KIF26B: variants seen among roughly 807,000 people sequenced by gnomAD.
KIF26B encodes the protein kinesin family member 26B.
A neutral mutation model predicts 151.2 loss-of-function variants in KIF26B; 63 were observed. The observed-to-expected ratio is 0.42, with a 90% CI of 0.34 to 0.51. The LOEUF is 0.51. KIF26B is among the 20% of genes least tolerant of loss of function. The pLI, the probability that KIF26B is intolerant of heterozygous loss-of-function variation, is 0.07. For synonymous variants in KIF26B, 1,357 were observed against 1,262.1 expected, an observed-to-expected ratio of 1.08 and a Z score of -1.59; for missense variants, 2,813 against 2,913.6, an observed-to-expected ratio of 0.97 and a Z score of 0.79.
chr1:245,678,594 T>C (rs553033432), intron 10 of KIF26B, among the ~76,000 whole-genome samples: 2 of 152,108 alleles, frequency 1.3e-5, no homozygotes, highest in South Asian at 2.1e-4. Flanking sequence ...CCTGGCACAG[T>C]GGCTCACGCC....
At position 245,540,076 on chromosome 1, in the gene KIF26B, C is replaced by T. The variant is rs528039639; in HGVS notation, c.1167-691C>T. Reference sequence around the variant, plus strand: ...CCTTTCCCTGCCTTCACACTCTGTGCCCCCTTCAGTGCTTTGACCCCTTAC... The same window carrying T: ...CCTTTCCCTGCCTTCACACTCTGTGTCCCCTTCAGTGCTTTGACCCCTTAC... On this transcript the variant is annotated intron_variant, in intron 4 of 14. Transcript: ENST00000407071. The surrounding 1 kb of genome is among the most constrained non-coding windows in gnomAD (Gnocchi z 4.6). Among the ~76,000 whole-genome samples the T allele has an allele frequency of 3.3e-5, 5 of 152,184 alleles. No individual in the cohort carries two copies. The highest frequency in any genetic ancestry group is 1.2e-4 in the African/African-American group (5 of 41,444).
intron 9 of KIF26B, among the ~76,000 whole-genome samples, chr1:245,642,159 CTG>C (rs2043898915): frequency 6.6e-6 from 1 of 152,210 alleles, no homozygotes; most frequent in Admixed American, 6.5e-5. Context: ...GTCCTGAAGA[CTG>C]TCCTAGTTTC....
At chr1:245,307,700 C>T (rs1671581950) in intron 2 of KIF26B, among the ~76,000 whole-genome samples, 1 of 151,398 alleles carries the variant, frequency 6.6e-6, no homozygotes, top group Non-Finnish European at 1.5e-5. Flanking sequence ...CCCTCCCTTT[C>T]CTCTGAAGCC....
At chr1:245,693,061 T>G (rs2044648050) in intron 12 of KIF26B, among the ~76,000 whole-genome samples, 1 of 152,234 alleles carries the variant, frequency 6.6e-6, no homozygotes, top group Admixed American at 6.5e-5. Flanking sequence ...TTATATGTTA[T>G]GTCAATCCTA....
chr1:245,561,949 G>A (rs931433059), intron 5 of KIF26B, among the ~76,000 whole-genome samples: 3 of 152,160 alleles, frequency 2.0e-5, no homozygotes, highest in Non-Finnish European at 4.4e-5. Context: ...GCTTTCTGTG[G>A]CCTGATTTTC....
chr1:245,180,126 A>G (rs1668878742), intron 2 of KIF26B, among the ~76,000 whole-genome samples: 1 of 152,374 alleles, frequency 6.6e-6, no homozygotes, highest in Middle Eastern at 3.4e-3. Context: ...ATGCTTTTAA[A>G]GAAGTATCAG....
In KIF26B at chr1:245,207,821, A is replaced by T. The variant is rs150806397; in HGVS notation, c.465+51138A>T. Among the ~76,000 whole-genome samples, 8 of 152,240 alleles carry T rather than the reference A, an allele frequency of 5.3e-5. No individual in the cohort carries two copies. In the East Asian group the frequency reaches 1.5e-3, roughly 29 times the overall value. ...CACCATCATCCTTTTTGGTAAAGAGATGTGTCCATTTCTGTCCTGCATTAG... is the reference window on the plus strand; with the variant it reads ...CACCATCATCCTTTTTGGTAAAGAGTTGTGTCCATTTCTGTCCTGCATTAG... On this transcript the variant is annotated intron_variant, in intron 2 of 14. Transcript: ENST00000407071.
At chr1:245,600,582 G>T (rs1459397341) in intron 5 of KIF26B, among the ~76,000 whole-genome samples, 1 of 150,748 alleles carries the variant, frequency 6.6e-6, no homozygotes, top group Non-Finnish European at 1.5e-5. Context: ...CTGCCCACAT[G>T]CTGGGCATTC....
At chr1:245,283,966 G>A (rs1010483602) in intron 2 of KIF26B, among the ~76,000 whole-genome samples, 28 of 152,270 alleles carry the variant, frequency 1.8e-4, no homozygotes, top group Non-Finnish European at 4.0e-4. Flanking sequence ...GATTACAGGC[G>A]TGAGCCGCTG....
chr1:245,245,326 G>C (rs1278158730), intron 2 of KIF26B, among the ~76,000 whole-genome samples: 1 of 152,134 alleles, frequency 6.6e-6, no homozygotes, highest in Admixed American at 6.5e-5. Context: ...TCACCCCTCG[G>C]CTGAGTCCCA....
intron 2 of KIF26B, among the ~76,000 whole-genome samples, chr1:245,311,716 T>G (rs1335842632): frequency 1.3e-5 from 2 of 152,214 alleles, no homozygotes; most frequent in African/African-American, 4.8e-5. Context: ...GTGGATCACC[T>G]GAGGTCAGGA....
intron 3 of KIF26B, among the ~76,000 whole-genome samples, chr1:245,376,692 A>T (rs1041605293): frequency 6.6e-6 from 1 of 151,826 alleles, no homozygotes; most frequent in East Asian, 1.9e-4. Flanking sequence ...TTTATTTTTT[A>T]TTTATTTTTT....
intron 2 of KIF26B, among the ~76,000 whole-genome samples, chr1:245,187,879 A>G (rs1204417813): frequency 6.6e-6 from 1 of 152,192 alleles, no homozygotes; most frequent in Admixed American, 6.5e-5. Flanking sequence ...TGAGCTCTAG[A>G]TGATATGATG....
intron 9 of KIF26B, among the ~76,000 whole-genome samples, chr1:245,629,783 G>T (rs1365531442): frequency 1.3e-5 from 2 of 152,178 alleles, no homozygotes; most frequent in Non-Finnish European, 2.9e-5. Context: ...CACAGCAAAA[G>T]AAACTAGCAT....
chr1:245,419,982 T>C (rs1148920), intron 4 of KIF26B, among the ~76,000 whole-genome samples: 53,705 of 151,954 alleles, frequency 0.35, 9,515 homozygotes, highest in African/African-American at 0.42. Context: ...CCCCTCGATG[T>C]GTGCCCGCAG....
chr1:245,419,859 C>A, intron 4 of KIF26B, 114 bp downstream of exon 4: 1 of 992,062 alleles, frequency 1.0e-6, no homozygotes, highest in Non-Finnish European at 1.5e-6. Flanking sequence ...TCTGTGATGT[C>A]ATTCATTAAG....
Position 245,597,816 on chromosome 1 carries a change from C to G in KIF26B, c.1351-4761C>G, listed in dbSNP as rs976918366. Among the ~76,000 whole-genome samples the G allele has an allele frequency of 2.6e-5, 4 of 152,068 alleles. No homozygotes were observed. Among genetic ancestry groups the G allele is most frequent in the African/African-American group, 9.7e-5 (4 of 41,404 alleles). On this transcript the variant is annotated intron_variant, in intron 5 of 14. Transcript: ENST00000407071. The surrounding 1 kb of genome is among the most constrained non-coding windows in gnomAD (Gnocchi z 4.6). ...CACATAGTTCCATATTTCTTGGAGG[C>G]TTTGTTCATTCCTTTTCATTCTTTT...
intron 4 of KIF26B, among the ~76,000 whole-genome samples, chr1:245,508,229 G>A (rs567482715): frequency 1.3e-5 from 2 of 152,262 alleles, no homozygotes; most frequent in South Asian, 2.1e-4. Flanking sequence ...GATGATTAGT[G>A]TGATCCCTAA....
At chr1:245,629,695 A>G (rs1343641495) in intron 9 of KIF26B, among the ~76,000 whole-genome samples, 1 of 152,224 alleles carries the variant, frequency 6.6e-6, no homozygotes, top group East Asian at 1.9e-4. Flanking sequence ...CAAAGACTTC[A>G]TGAAGAAAAC....
Sources: allele counts gnomAD v4.1 joint callset (sites outside exome capture counted in the v4.1 genomes callset), GRCh38; gene constraint gnomAD v4.1.1; non-coding constraint Gnocchi (gnomAD v3.1); transcripts MANE v1.5; gene names NCBI Gene and HGNC (gene_info 2026-07-23, HGNC 2026-07-21).